The following GALNT13 variants were observed in gnomAD, a reference collection of about 807,000 sequenced individuals.
GALNT13 encodes polypeptide N-acetylgalactosaminyltransferase 13, also known as UDP-GalNAc:polypeptide N-acetylgalactosaminyltransferase 13.
Under a neutral mutation model 64.2 loss-of-function variants are expected in GALNT13, and 28 were observed. The observed-to-expected ratio is 0.44, with a 90% confidence interval of 0.32 to 0.60. The LOEUF is 0.60. Ranked by LOEUF, GALNT13 falls within the 20% of genes least tolerant of loss-of-function variation. The probability of loss-of-function intolerance (pLI) is 0.05; values close to 1 mark genes in which losing one functional copy is unlikely to be tolerated. For missense variants in GALNT13, 577 were observed against 669.8 expected, an observed-to-expected ratio of 0.86 and a Z score of 1.53; for synonymous variants, 214 against 224.6, an observed-to-expected ratio of 0.95 and a Z score of 0.42.
chr2:154,058,897 A>G (rs1002597916), intron 3 of GALNT13, among the ~76,000 whole-genome samples: 3 of 152,220 alleles, frequency 2.0e-5, no homozygotes, highest in African/African-American at 7.2e-5. Context: ...TGACTACTGT[A>G]TTATGAATAG....
chr2:153,449,058 GTC>G, the GALNT13 span, among the ~76,000 whole-genome samples: 1 of 151,722 alleles, frequency 6.6e-6, no homozygotes, highest in African/African-American at 2.4e-5. Context: ...CTGTCTCTCT[GTC>G]TCTCTCTCTC....
At chr2:153,268,018 C>T in the GALNT13 span, among the ~76,000 whole-genome samples, 1 of 152,078 alleles carries the variant, frequency 6.6e-6, no homozygotes, top group Non-Finnish European at 1.5e-5. Flanking sequence ...AGAGCCAAAC[C>T]ATCCACTGCT....
In GALNT13 at chr2:154,405,992, G is replaced by A. The variant is rs531316395; in HGVS notation, c.1297-2992G>A. Among the ~76,000 whole-genome samples, 6 of 152,242 alleles carry A rather than the reference G, an allele frequency of 3.9e-5. No homozygotes were observed. In the South Asian group the frequency reaches 1.2e-3, roughly 32 times the overall value. On this transcript the variant is annotated intron_variant, in intron 10 of 12. Coordinates refer to ENST00000392825, the MANE Select transcript of GALNT13 (RefSeq NM_052917.4). The stretch of plus-strand genomic sequence containing the variant: ...GAAGTAAATGGAGTAACATTTAAAA[G>A]GTAGTCAAGTTTGGTGAGTCATGGA...
chr2:154,349,137 G>T (rs904943761), intron 9 of GALNT13, among the ~76,000 whole-genome samples: 2 of 152,100 alleles, frequency 1.3e-5, no homozygotes, highest in Non-Finnish European at 2.9e-5. Flanking sequence ...GTCCACATGA[G>T]CAATCGTCAG....
chr2:154,033,962 C>A (rs562269512), intron 3 of GALNT13, among the ~76,000 whole-genome samples: 6 of 151,752 alleles, frequency 4.0e-5, no homozygotes, highest in Admixed American at 6.6e-5. Flanking sequence ...AACAAACAAA[C>A]AAAAAAAACC....
chr2:153,862,196 A>G, the GALNT13 span, among the ~76,000 whole-genome samples: 1 of 152,160 alleles, frequency 6.6e-6, no homozygotes, highest in Non-Finnish European at 1.5e-5. Flanking sequence ...CTACAATTTA[A>G]AGATTCACAC....
the GALNT13 span, among the ~76,000 whole-genome samples, chr2:153,559,149 T>C: frequency 1.3e-5 from 2 of 152,194 alleles, no homozygotes; most frequent in Admixed American, 1.3e-4. Context: ...TTTTGTAATA[T>C]AAGCATCATT....
the GALNT13 span, among the ~76,000 whole-genome samples, chr2:153,583,895 C>T: frequency 6.6e-6 from 1 of 152,126 alleles, no homozygotes; most frequent in Non-Finnish European, 1.5e-5. Context: ...GGTGCTAGAA[C>T]CAAGCACCCA....
intron 8 of GALNT13, among the ~76,000 whole-genome samples, chr2:154,278,536 G>A (rs532717701): frequency 6.6e-6 from 1 of 152,296 alleles, no homozygotes; most frequent in East Asian, 1.9e-4. Flanking sequence ...GACAGCAAAA[G>A]AGCAAGGCAT....
intron 1 of GALNT13, among the ~76,000 whole-genome samples, chr2:153,895,338 A>G (rs1182109145): frequency 2.6e-5 from 4 of 152,100 alleles, no homozygotes; most frequent in Non-Finnish European, 4.4e-5. Flanking sequence ...CTGAGTTTCA[A>G]GATTGTAACA....
In GALNT13 at chr2:153,872,181, G is replaced by GCGCGGACTCGGCGAGC. The variant is rs1553448826; in HGVS notation, c.-297_-282dup. On this transcript the variant is annotated 5_prime_UTR_variant, in exon 1 of 13. Transcript: ENST00000392825. ...GCGGGCCGGCGCGGGTTCCAGGTGAGCGCGGACTCGGCGAGCCCCGCACTC... is the reference window on the plus strand; with the variant it reads ...GCGGGCCGGCGCGGGTTCCAGGTGAGCGCGGACTCGGCGAGCCGCGGACTCGGCGAGCCCCGCACTC... The GCGCGGACTCGGCGAGC allele has an allele frequency of 6.6e-6, 1 of 150,950 alleles. No individual in the cohort carries two copies. Among genetic ancestry groups the GCGCGGACTCGGCGAGC allele is most frequent in the African/African-American group, 2.4e-5 (1 of 41,116 alleles). 9.4% of individuals were successfully genotyped at this position (150,950 alleles called of 1,614,324 possible).
chr2:153,743,496 A>G, the GALNT13 span, among the ~76,000 whole-genome samples: 1 of 146,088 alleles, frequency 6.8e-6, no homozygotes, highest in African/African-American at 2.5e-5. Context: ...CTTTATTTCA[A>G]GAGCACTTTT....
intron 3 of GALNT13, among the ~76,000 whole-genome samples, chr2:154,053,097 C>T (rs1305923040): frequency 6.6e-6 from 1 of 152,030 alleles, no homozygotes; most frequent in Non-Finnish European, 1.5e-5. Context: ...AAAAAACTTC[C>T]CACAGCTGAT....
At chr2:153,265,312 A>T in the GALNT13 span, among the ~76,000 whole-genome samples, 1 of 152,112 alleles carries the variant, frequency 6.6e-6, no homozygotes, top group African/African-American at 2.4e-5. Context: ...TGGAGCCTTT[A>T]TCTCATGGTC....
At chr2:154,000,837 T>G (rs925624002) in intron 3 of GALNT13, among the ~76,000 whole-genome samples, 9 of 151,958 alleles carry the variant, frequency 5.9e-5, no homozygotes. Flanking sequence ...ACTGCAGTGT[T>G]TCTTTGTTGA....
At chr2:154,386,381 A>C (rs799796) in intron 9 of GALNT13, among the ~76,000 whole-genome samples, 62,565 of 151,830 alleles carry the variant, frequency 0.41, 13,452 homozygotes, top group African/African-American at 0.54. Context: ...AGTGGTCTGT[A>C]ATCTCATTGT....
the GALNT13 span, among the ~76,000 whole-genome samples, chr2:153,364,774 T>C: frequency 1.1e-4 from 16 of 152,128 alleles, no homozygotes; most frequent in Non-Finnish European, 1.6e-4. Flanking sequence ...TGCTCACAGA[T>C]AGGAAGAATC....
intron 3 of GALNT13, among the ~76,000 whole-genome samples, chr2:154,041,042 T>G (rs887488035): frequency 7.2e-6 from 1 of 139,628 alleles, no homozygotes; most frequent in Non-Finnish European, 1.6e-5. Context: ...GGGATTATAT[T>G]GGTTTGGTTT....
chr2:153,781,491 G>A, the GALNT13 span, among the ~76,000 whole-genome samples: 1 of 152,154 alleles, frequency 6.6e-6, no homozygotes, highest in African/African-American at 2.4e-5. Context: ...ACTGGGTGAT[G>A]AAGCTTTGGT....
Sources: gnomAD v4.1 joint callset for allele counts (sites outside exome capture counted in the v4.1 genomes callset) on GRCh38, gnomAD v4.1.1 for gene constraint, MANE v1.5 for transcripts, NCBI Gene and HGNC (gene_info 2026-07-23, HGNC 2026-07-21) for gene names.